The following OSBPL5 variants were observed in gnomAD, a reference collection of about 807,000 sequenced individuals.
OSBPL5 encodes the protein oxysterol-binding protein-related protein 5.
OSBPL5 carries 71 observed loss-of-function variants against 111.2 expected under a neutral mutation model. The ratio of observed to expected loss-of-function variants is 0.64; its 90% confidence interval spans 0.53 to 0.78. OSBPL5 has a LOEUF of 0.78. Ranked by LOEUF, OSBPL5 falls within the 30% of genes least tolerant of loss-of-function variation. The pLI is 0.00. For missense variants in OSBPL5, 1,210 were observed against 1,189.3 expected, an observed-to-expected ratio of 1.02 and a Z score of -0.26; for synonymous variants, 549 against 513.9, an observed-to-expected ratio of 1.07 and a Z score of -0.93.
rs35933962 is a variant in OSBPL5, at chr11:3,126,531, G to A, written c.161C>T (p.Pro54Leu). ...GGGCCCTTCATCCCTGGGCAGCGAC[G>A]GGCCGTTGGGCTCCATGTCCTTCCC... ...SPGKDMEPNGPSLPRDEGPPT... is the reference protein window; with the variant it reads ...SPGKDMEPNGLSLPRDEGPPT... The change falls in exon 3 of 22, where the codon CCG (proline) becomes CTG (leucine). Residue 54 changes from proline to leucine, a missense_variant. By Grantham distance (98) the Pro-to-Leu change is moderately conservative. Transcript: ENST00000263650. The surrounding 1 kb of genome is among the most constrained non-coding windows in gnomAD (Gnocchi z 6.5). 2.1e-3 allele frequency: 3,390 copies of A among 1,608,486 alleles called. 25 individuals carry two copies. The African/African-American group carries it at 0.022, about 10-fold the overall frequency.
At chr11:3,112,473 C>CTT (rs556463241) in intron 7 of OSBPL5, among the ~76,000 whole-genome samples, 16 of 48,608 alleles carry the variant, frequency 3.3e-4, no homozygotes, top group African/African-American at 3.8e-4. Flanking sequence ...TTTGTGTTTT[C>CTT]TTTTCTTTTT....
intron 21 of OSBPL5, among the ~76,000 whole-genome samples, chr11:3,089,040 G>A (rs1188651457): frequency 2.6e-5 from 4 of 152,332 alleles, no homozygotes; most frequent in Non-Finnish European, 4.4e-5. Context: ...GAAGCTTCTG[G>A]CTGAGTCCTG....
At position 3,121,850 on chromosome 11, in the gene OSBPL5, T is replaced by C; in HGVS notation, c.402+147A>G. On this transcript the variant is annotated intron_variant, in intron 5 of 21. Coordinates refer to ENST00000263650, the MANE Select transcript of OSBPL5 (RefSeq NM_020896.4). This position sits in a 1 kb window ranked among gnomAD's most constrained non-coding sequence, Gnocchi z 4.3. ...GACAGGTGGATAAGGAAAGGCCTCATGAGGAAGGAGCAGAGGCTGCAGTGA... is the reference window on the plus strand; with the variant it reads ...GACAGGTGGATAAGGAAAGGCCTCACGAGGAAGGAGCAGAGGCTGCAGTGA... The C allele has an allele frequency of 2.9e-6, 2 of 693,816 alleles. No individual in the cohort carries two copies. The highest frequency in any genetic ancestry group is 4.9e-6 in the Non-Finnish European group (2 of 410,624). The allele number at this position is 693,816 out of a possible 1,614,324, so 43.0% of individuals were successfully genotyped here.
chr11:3,150,417 C>G (rs1161458401), intron 1 of OSBPL5, among the ~76,000 whole-genome samples: 1 of 152,124 alleles, frequency 6.6e-6, no homozygotes, highest in Admixed American at 6.5e-5. Context: ...GGGGAGGAAC[C>G]CAGCAGCTCC....
rs4536189 is a variant in OSBPL5, at chr11:3,154,338, T to G, written c.-22+10878A>C. On this transcript the variant is annotated intron_variant, in intron 1 of 21. Coordinates refer to ENST00000263650, the MANE Select transcript of OSBPL5 (RefSeq NM_020896.4). This position sits in a 1 kb window ranked among gnomAD's most constrained non-coding sequence, Gnocchi z 4.9. ...CAAACATGCCGAGTCACCCACATCC[T>G]GGCCTCCCCGCCCACTTTGCCGGTG... Among the ~76,000 whole-genome samples the G allele has an allele frequency of 2.6e-5, 4 of 152,210 alleles. No homozygotes were observed. The highest frequency in any genetic ancestry group is 5.9e-5 in the Non-Finnish European group (4 of 68,044).
chr11:3,160,494 A>G (rs964069594), intron 1 of OSBPL5, among the ~76,000 whole-genome samples: 15 of 152,196 alleles, frequency 9.9e-5, no homozygotes, highest in African/African-American at 3.1e-4. Context: ...GCCGCAGCCC[A>G]GCGAATGGGA....
At position 3,126,778 on chromosome 11, in the gene OSBPL5, C is replaced by T; in HGVS notation, c.137-223G>A. On this transcript the variant is annotated intron_variant, in intron 2 of 21. Coordinates refer to ENST00000263650, the MANE Select transcript of OSBPL5 (RefSeq NM_020896.4). The surrounding 1 kb of genome is among the most constrained non-coding windows in gnomAD (Gnocchi z 6.5). ...TGTGCCAGGAGAACTGGCAGGGCCT[C>T]CAGGACCTACAGGGAGGAAGCTGGG... 1 of 449,198 alleles carries T rather than the reference C, an allele frequency of 2.2e-6. No homozygotes were observed. The highest frequency in any genetic ancestry group is 3.9e-5 in the East Asian group (1 of 25,510). 27.8% of individuals were successfully genotyped at this position (449,198 alleles called of 1,614,324 possible). A position where few individuals can be genotyped will look rare whatever the true frequency, so the allele number is the denominator to read the frequency against.
At chr11:3,098,870 C>T (rs1247915441) in intron 14 of OSBPL5, among the ~76,000 whole-genome samples, 5 of 151,216 alleles carry the variant, frequency 3.3e-5, no homozygotes, top group Admixed American at 6.6e-5. Flanking sequence ...ACTGGTGCCA[C>T]GATGGCTCCT....
chr11:3,105,490 T>C lies in OSBPL5; in HGVS notation c.1060-1113A>G, dbSNP rs1465073690. On this transcript the variant is annotated intron_variant, in intron 9 of 21. Coordinates refer to ENST00000263650, the MANE Select transcript of OSBPL5 (RefSeq NM_020896.4). The surrounding 1 kb of genome is among the most constrained non-coding windows in gnomAD (Gnocchi z 5.2). ...TGGAAATCATGGGTAGCTTCGGCTG[T>C]CAGGAATCCTGCTCTGTCCATGTGC... Among the ~76,000 whole-genome samples, 2 of 152,124 alleles carry C rather than the reference T, an allele frequency of 1.3e-5. No individual in the cohort carries two copies. Among genetic ancestry groups the C allele is most frequent in the African/African-American group, 2.4e-5 (1 of 41,418 alleles).
At chr11:3,158,230 C>T (rs7928630) in intron 1 of OSBPL5, among the ~76,000 whole-genome samples, 75,870 of 152,150 alleles carry the variant, frequency 0.5, 19,698 homozygotes, top group African/African-American at 0.62. Context: ...ATCTAGGTCT[C>T]GGAGCGAGAG....
At chr11:3,153,632 A>T (rs1350982802) in intron 1 of OSBPL5, among the ~76,000 whole-genome samples, 2 of 152,236 alleles carry the variant, frequency 1.3e-5, no homozygotes, top group African/African-American at 4.8e-5. Flanking sequence ...GACAAACAGC[A>T]TGTTCCTTGC....
chr11:3,121,269 G>A lies in OSBPL5; in HGVS notation c.403-645C>T, dbSNP rs1191579266. Among the ~76,000 whole-genome samples the A allele has an allele frequency of 2.0e-5, 3 of 152,074 alleles. No individual in the cohort carries two copies. The highest frequency in any genetic ancestry group is 7.2e-5 in the African/African-American group (3 of 41,408). On this transcript the variant is annotated intron_variant, in intron 5 of 21. Coordinates refer to ENST00000263650, the MANE Select transcript of OSBPL5 (RefSeq NM_020896.4). The surrounding 1 kb of genome is among the most constrained non-coding windows in gnomAD (Gnocchi z 4.3). ...GACGGGGTTTTGCCATTTTGGACAG[G>A]CTGGTCTCAAACTCCTGACCTCAGG...
At chr11:3,118,247 G>GC (rs989214744) in intron 7 of OSBPL5, among the ~76,000 whole-genome samples, 24 of 152,256 alleles carry the variant, frequency 1.6e-4, no homozygotes, top group African/African-American at 4.1e-4. Flanking sequence ...GGGCCAACCT[G>GC]CCCCCCCATT....
chr11:3,094,482 GAGA>G (rs937709564), intron 14 of OSBPL5, 148 bp from the exon 15 acceptor site: 7 of 633,544 alleles, frequency 1.1e-5, no homozygotes, highest in Non-Finnish European at 1.7e-5. Flanking sequence ...CTGGGAGGGT[GAGA>G]AGGACAGGAG....
rs376335488 is a variant in OSBPL5 at position 3,122,339 on chromosome 11, C to T, written c.300+9G>A. The T allele has an allele frequency of 9.8e-4, 1,582 of 1,611,996 alleles. 6 individuals carry two copies. The highest frequency in any genetic ancestry group is 1.0e-3 in the Non-Finnish European group (1,184 of 1,179,166). ...GACACTGCTGCACCCTCCCCGGGCCCGGGCTCACCTTGAGAGTCTCCTTCT... is the reference window on the plus strand; with the variant it reads ...GACACTGCTGCACCCTCCCCGGGCCTGGGCTCACCTTGAGAGTCTCCTTCT... On this transcript the variant is annotated intron_variant, in intron 4 of 21. Coordinates refer to ENST00000263650, the MANE Select transcript of OSBPL5 (RefSeq NM_020896.4).
At chr11:3,100,567 G>A (rs1857417594) in intron 13 of OSBPL5, among the ~76,000 whole-genome samples, 1 of 152,226 alleles carries the variant, frequency 6.6e-6, no homozygotes, top group Admixed American at 6.5e-5. Context: ...ACTGAGCCCT[G>A]CTCAGATTTT....
intron 1 of OSBPL5, among the ~76,000 whole-genome samples, chr11:3,135,339 C>T (rs1189958375): frequency 1.3e-5 from 2 of 152,190 alleles, no homozygotes; most frequent in African/African-American, 2.4e-5. Context: ...AGAATGAATT[C>T]GCTCATGGCT....
chr11:3,102,379 C>T lies in OSBPL5; in HGVS notation c.1327-98G>A, dbSNP rs531255985. The T allele has an allele frequency of 7.3e-5, 81 of 1,103,838 alleles. No individual in the cohort carries two copies. The African/African-American group carries it at 1.1e-3, about 14-fold the overall frequency. The allele number at this position is 1,103,838 out of a possible 1,614,324, so 68.4% of individuals were successfully genotyped here. On this transcript the variant is annotated intron_variant, in intron 11 of 21. Coordinates refer to ENST00000263650, the MANE Select transcript of OSBPL5 (RefSeq NM_020896.4). Reference sequence around the variant, plus strand: ...TGGACGGAGGGGCAGCGTGGGTGGGCTACCCGCTGCCTGCTGGCCTGGTTT... The same window carrying T: ...TGGACGGAGGGGCAGCGTGGGTGGGTTACCCGCTGCCTGCTGGCCTGGTTT...
chr11:3,087,910 A>C lies in OSBPL5; in HGVS notation c.*295T>G. 1.0e-4 allele frequency: 25 copies of C among 241,938 alleles called. No homozygotes were observed. The highest frequency in any genetic ancestry group is 1.1e-4 in the Non-Finnish European group (14 of 126,730). The allele number at this position is 241,938 out of a possible 1,614,324, so 15.0% of individuals were successfully genotyped here. A position where few individuals can be genotyped will look rare whatever the true frequency, so the allele number is the denominator to read the frequency against. On this transcript the variant is annotated 3_prime_UTR_variant, in exon 22 of 22. Transcript: ENST00000263650. ...CCCCCATGGCAAGTGGAGGCCGGAC[A>C]GGGGGTGACACGGCAAGATGGCCAG...
Sources: allele counts gnomAD v4.1 joint callset (sites outside exome capture counted in the v4.1 genomes callset), GRCh38; gene constraint gnomAD v4.1.1; non-coding constraint Gnocchi (gnomAD v3.1); transcripts MANE v1.5; gene names NCBI Gene and HGNC (gene_info 2026-07-23, HGNC 2026-07-21).